XKR6: variants seen among roughly 807,000 people sequenced by gnomAD.
The protein encoded by XKR6 is XK-related protein 6.
XKR6 carries 22 observed loss-of-function variants against 56.7 expected under a neutral mutation model. The observed-to-expected ratio is 0.39, with a 90% CI of 0.28 to 0.55. The LOEUF (loss-of-function observed/expected upper bound fraction) is 0.55, where lower values mean the gene tolerates loss of function less well. Ranked by LOEUF, XKR6 falls within the 20% of genes least tolerant of loss-of-function variation. The pLI is 0.66. For missense variants in XKR6, 852 were observed against 889.0 expected (o/e 0.96, Z 0.53); for synonymous variants, 524 against 387.8 (o/e 1.35, Z -4.13).
At chr8:11,076,419 C>T (rs1239394825) in intron 1 of XKR6, among the ~76,000 whole-genome samples, 1 of 152,100 alleles carries the variant, frequency 6.6e-6, no homozygotes, top group African/African-American at 2.4e-5. Flanking sequence ...TGACTTGAAT[C>T]CATATTTCCT....
intron 1 of XKR6, among the ~76,000 whole-genome samples, chr8:11,187,003 C>G (rs1184121128): frequency 1.3e-5 from 2 of 152,226 alleles, no homozygotes; most frequent in Non-Finnish European, 2.9e-5. Flanking sequence ...ATTGTTTAGA[C>G]TGCAGAAAGC....
At chr8:11,053,830 A>G (rs1304604278) in intron 1 of XKR6, among the ~76,000 whole-genome samples, 1 of 152,172 alleles carries the variant, frequency 6.6e-6, no homozygotes, top group African/African-American at 2.4e-5. Flanking sequence ...CATGCCACCT[A>G]AGCAGGGAAG....
intron 1 of XKR6, among the ~76,000 whole-genome samples, chr8:11,140,079 C>A (rs117611393): frequency 0.013 from 1,985 of 149,202 alleles, 15 homozygotes; most frequent in Non-Finnish European, 0.02. Context: ...CACGTAAACA[C>A]AAAAATGCTT....
At chr8:10,993,376 G>A (rs1465587870) in intron 1 of XKR6, among the ~76,000 whole-genome samples, 1 of 152,250 alleles carries the variant, frequency 6.6e-6, no homozygotes, top group Non-Finnish European at 1.5e-5. Context: ...AAGGAAGAAA[G>A]GAAAGAAAGC....
chr8:11,056,052 C>T (rs28368616), intron 1 of XKR6, among the ~76,000 whole-genome samples: 10,655 of 152,208 alleles, frequency 0.07, 1,162 homozygotes, highest in African/African-American at 0.23. Flanking sequence ...CACTTCTCAC[C>T]GGCGCCCCCT....
At chr8:11,126,002 C>G (rs144822119) in intron 1 of XKR6, 1 of 152,264 alleles carries the variant, frequency 6.6e-6, no homozygotes, top group Non-Finnish European at 1.5e-5. Flanking sequence ...CTTGCAAACA[C>G]CAAGTAAGTC....
At chr8:11,199,493 C>T (rs1335150302) in intron 1 of XKR6, among the ~76,000 whole-genome samples, 1 of 152,220 alleles carries the variant, frequency 6.6e-6, no homozygotes, top group Non-Finnish European at 1.5e-5. Context: ...TGTCTTCTCA[C>T]AGAAGCCATG....
At chr8:11,193,004 G>A (rs1216710186) in intron 1 of XKR6, among the ~76,000 whole-genome samples, 1 of 152,180 alleles carries the variant, frequency 6.6e-6, no homozygotes, top group South Asian at 2.1e-4. Flanking sequence ...ATTTAAGACG[G>A]AAAGAAAAGG....
intron 1 of XKR6, among the ~76,000 whole-genome samples, chr8:11,088,761 T>A (rs1418516370): frequency 6.6e-6 from 1 of 152,230 alleles, no homozygotes; most frequent in African/African-American, 2.4e-5. Context: ...AATGAGCTCC[T>A]GTAAGTGCAA....
chr8:10,949,860 A>C (rs545437695), intron 1 of XKR6, among the ~76,000 whole-genome samples: 1 of 152,098 alleles, frequency 6.6e-6, no homozygotes, highest in Non-Finnish European at 1.5e-5. Flanking sequence ...TCTGAGCTGG[A>C]GCAAGAGCCC....
At chr8:11,011,331 C>T (rs927374978) in intron 1 of XKR6, among the ~76,000 whole-genome samples, 4 of 152,136 alleles carry the variant, frequency 2.6e-5, no homozygotes, top group African/African-American at 4.8e-5. Flanking sequence ...CAAGGCTTCC[C>T]GGGGGAGGTG....
chr8:10,916,486 A>T (rs1282301496), intron 2 of XKR6, among the ~76,000 whole-genome samples: 1 of 152,226 alleles, frequency 6.6e-6, no homozygotes, highest in East Asian at 1.9e-4. Context: ...GAAAAAAGAA[A>T]TCTCCCACAA....
intron 1 of XKR6, among the ~76,000 whole-genome samples, chr8:11,093,044 CTCTT>C (rs59901013): frequency 1.1e-4 from 17 of 151,652 alleles, no homozygotes; most frequent in Admixed American, 2.6e-4. Flanking sequence ...CTCTTTCTTT[CTCTT>C]TCTTTTTCTT....
intron 1 of XKR6, among the ~76,000 whole-genome samples, chr8:10,990,570 G>C (rs1017832719): frequency 2.0e-5 from 3 of 152,138 alleles, no homozygotes; most frequent in Admixed American, 6.5e-5. Context: ...GGAGCTGCTG[G>C]GGAATGTTTG....
chr8:10,923,052 G>A (rs964495059), intron 2 of XKR6, among the ~76,000 whole-genome samples: 7 of 152,220 alleles, frequency 4.6e-5, no homozygotes, highest in Admixed American at 2.6e-4. Context: ...ATGCCCAAGG[G>A]CAGATGTTGG....
intron 1 of XKR6, among the ~76,000 whole-genome samples, chr8:11,004,119 A>G (rs1461035076): frequency 6.6e-6 from 1 of 152,118 alleles, no homozygotes; most frequent in African/African-American, 2.4e-5. Context: ...GAAGTCTGGG[A>G]GTTATGAGGA....
At chr8:11,136,496 C>T (rs964511886) in intron 1 of XKR6, among the ~76,000 whole-genome samples, 5 of 137,794 alleles carry the variant, frequency 3.6e-5, no homozygotes, top group African/African-American at 1.2e-4. Context: ...AAAAGCGAAA[C>T]TCTGTCTCAA....
At chr8:11,076,833 G>A (rs995419033) in intron 1 of XKR6, among the ~76,000 whole-genome samples, 19 of 152,186 alleles carry the variant, frequency 1.2e-4, no homozygotes, top group Non-Finnish European at 2.5e-4. Flanking sequence ...CCAAGGACAA[G>A]AAAGTTCAGG....
intron 1 of XKR6, among the ~76,000 whole-genome samples, chr8:10,938,196 G>A (rs1003366897): frequency 2.6e-4 from 39 of 152,172 alleles, no homozygotes; most frequent in South Asian, 2.1e-4. Context: ...TCTTTGACTC[G>A]GAAAGGGAAC....
Sources: gnomAD v4.1 joint callset for allele counts (sites outside exome capture counted in the v4.1 genomes callset) on GRCh38, gnomAD v4.1.1 for gene constraint, MANE v1.5 for transcripts, NCBI Gene and HGNC (gene_info 2026-07-23, HGNC 2026-07-21) for gene names.